The following MED12L variants were observed in gnomAD, a reference collection of about 807,000 sequenced individuals.
The protein encoded by MED12L is mediator complex subunit 12L.
MED12L carries 60 observed loss-of-function variants against 281.3 expected under a neutral mutation model. The observed-to-expected ratio is 0.21, with a 90% CI of 0.17 to 0.26. MED12L has a LOEUF of 0.26. MED12L is among the 10% of genes least tolerant of loss of function. The pLI, the probability that MED12L is intolerant of heterozygous loss-of-function variation, is 1.00. For missense variants in MED12L, 2,146 were observed against 2,680.9 expected (o/e 0.80, Z 4.41); for synonymous variants, 974 against 987.2 (o/e 0.99, Z 0.25).
At position 151,178,157 on chromosome 3, in the gene MED12L, C is replaced by CAAAAAAAAAAA. The variant is rs10572929; in HGVS notation, c.1495-7156_1495-7146dup. Among the ~76,000 whole-genome samples, 42 of 49,168 alleles carry CAAAAAAAAAAA rather than the reference C, an allele frequency of 8.5e-4. 2 individuals carry two copies. Among genetic ancestry groups the CAAAAAAAAAAA allele is most frequent in the Middle Eastern group, 0.014 (1 of 74 alleles). The allele number at this position is 49,168 out of a possible 152,430, so 32.3% of individuals were successfully genotyped here. On this transcript the variant is annotated intron_variant, in intron 11 of 44. Transcript: ENST00000687756. The stretch of plus-strand genomic sequence containing the variant: ...TGGGCAACAGAATGAGACTTGGTCT[C>CAAAAAAAAAAA]AAAAAAAAAAAAAAAAAAAAAAAAA...
chr3:151,425,913 G>C (rs1718825364), intron 43 of MED12L, among the ~76,000 whole-genome samples: 2 of 152,308 alleles, frequency 1.3e-5, no homozygotes, highest in South Asian at 4.1e-4. Flanking sequence ...AGAGTGGAAC[G>C]AAGTGGGGAG....
chr3:151,164,149 C>T, intron 9 of MED12L, 107 bp downstream of exon 9: 1 of 1,211,112 alleles, frequency 8.3e-7, no homozygotes, highest in Non-Finnish European at 1.2e-6. Context: ...GGGTGCTATC[C>T]CAGTTTTGCC....
chr3:151,216,382 G>T (rs1728222557), intron 16 of MED12L, among the ~76,000 whole-genome samples: 1 of 152,160 alleles, frequency 6.6e-6, no homozygotes, highest in South Asian at 2.1e-4. Flanking sequence ...GACAAGTTAG[G>T]TTGATACATT....
chr3:151,170,065 G>A (rs573774294), intron 11 of MED12L, among the ~76,000 whole-genome samples: 16 of 152,292 alleles, frequency 1.1e-4, no homozygotes, highest in South Asian at 4.1e-4. Flanking sequence ...AGAAGTTTGT[G>A]TGTGTAATCA....
At chr3:151,407,494 G>A (rs2131102) in intron 39 of MED12L, among the ~76,000 whole-genome samples, 2,416 of 152,294 alleles carry the variant, frequency 0.016, 137 homozygotes, top group East Asian at 0.099. Flanking sequence ...TATGATGCTA[G>A]TGTCCAGGAG....
At chr3:151,167,935 G>A (rs1369815869) in intron 11 of MED12L, among the ~76,000 whole-genome samples, 2 of 152,180 alleles carry the variant, frequency 1.3e-5, no homozygotes, top group Admixed American at 6.5e-5. Flanking sequence ...TTGAGTAAAA[G>A]CTACATTGTT....
intron 16 of MED12L, among the ~76,000 whole-genome samples, chr3:151,203,811 A>G (rs930410506): frequency 6.6e-6 from 1 of 152,134 alleles, no homozygotes; most frequent in African/African-American, 2.4e-5. Flanking sequence ...ATGTATTTCC[A>G]CTTAGATGTT....
chr3:151,261,643 T>C (rs1247351033), intron 16 of MED12L, among the ~76,000 whole-genome samples: 2 of 152,092 alleles, frequency 1.3e-5, no homozygotes, highest in Non-Finnish European at 2.9e-5. Flanking sequence ...GACACCTCCA[T>C]TCCTGAAACT....
intron 16 of MED12L, chr3:151,300,059 C>T (rs760059235): frequency 1.6e-5 from 25 of 1,583,770 alleles, no homozygotes; most frequent in East Asian, 1.3e-4. Context: ...TCTCTTACGA[C>T]GGCTTACTTG....
intron 16 of MED12L, among the ~76,000 whole-genome samples, chr3:151,321,599 C>T (rs184554503): frequency 4.8e-4 from 73 of 152,238 alleles, no homozygotes; most frequent in Middle Eastern, 3.4e-3. Context: ...CATATACACA[C>T]ATTTAACGTT....
At chr3:151,143,813 C>T (rs1236271410) in intron 5 of MED12L, among the ~76,000 whole-genome samples, 3 of 152,142 alleles carry the variant, frequency 2.0e-5, no homozygotes, top group Non-Finnish European at 4.4e-5. Context: ...TGTCCTGGGG[C>T]AGTAAAACTC....
intron 16 of MED12L, chr3:151,316,547 A>C (rs1748270265): frequency 6.6e-6 from 1 of 152,200 alleles, no homozygotes; most frequent in Non-Finnish European, 1.5e-5. Flanking sequence ...GTGTCTTATC[A>C]ACCACGGCTT....
At chr3:151,109,594 A>T (rs979256085) in intron 2 of MED12L, among the ~76,000 whole-genome samples, 17 of 152,210 alleles carry the variant, frequency 1.1e-4, no homozygotes, top group African/African-American at 2.4e-5. Context: ...GGTTTGGTGC[A>T]CTGCTACTCT....
chr3:151,128,022 T>C (rs372695168), intron 5 of MED12L, 38 bp downstream of exon 5: 2 of 1,571,492 alleles, frequency 1.3e-6, no homozygotes, highest in South Asian at 1.1e-5. Flanking sequence ...CATTTCATTA[T>C]TGATTTTGCA....
chr3:151,418,835 G>A (rs1717926962), intron 43 of MED12L, among the ~76,000 whole-genome samples: 1 of 152,006 alleles, frequency 6.6e-6, no homozygotes, highest in African/African-American at 2.4e-5. Context: ...TATGGATGTG[G>A]AAAAATTATT....
At chr3:151,300,556 G>A (rs554809347) in intron 16 of MED12L, among the ~76,000 whole-genome samples, 5 of 152,162 alleles carry the variant, frequency 3.3e-5, no homozygotes, top group African/African-American at 7.2e-5. Context: ...ATTCTATCAC[G>A]TATTGACCAT....
Position 151,413,127 on chromosome 3 carries a change from A to G in MED12L, c.6141-12A>G, listed in dbSNP as rs1408809085. ...GCTTGGGCCTGAACCAAGTTGCATT[A>G]TTCTTTGCCAGACTGAACCATCAGG... On this transcript the variant is annotated splice_polypyrimidine_tract_variant and intron_variant, in intron 41 of 44. Transcript: ENST00000687756. 3 of 1,607,690 alleles carry G rather than the reference A, an allele frequency of 1.9e-6. No individual in the cohort carries two copies. Among genetic ancestry groups the G allele is most frequent in the Non-Finnish European group, 1.7e-6 (2 of 1,174,880 alleles).
intron 7 of MED12L, 109 bp downstream of exon 7, chr3:151,158,908 G>T: frequency 1.4e-6 from 1 of 732,728 alleles, no homozygotes; most frequent in Non-Finnish European, 2.4e-6. Flanking sequence ...CTGTTGAAAT[G>T]GAAGGAAAAA....
intron 16 of MED12L, among the ~76,000 whole-genome samples, chr3:151,293,366 A>G (rs1344178036): frequency 2.0e-5 from 3 of 152,120 alleles, no homozygotes; most frequent in African/African-American, 7.2e-5. Flanking sequence ...TCCTCTGTTA[A>G]TGCGTCTCCC....
Sources: allele counts gnomAD v4.1 joint callset (sites outside exome capture counted in the v4.1 genomes callset), GRCh38; gene constraint gnomAD v4.1.1; transcripts MANE v1.5; gene names NCBI Gene and HGNC (gene_info 2026-07-23, HGNC 2026-07-21).